The following FGF14 variants were observed in gnomAD, a reference collection of about 807,000 sequenced individuals.
FGF14 encodes fibroblast growth factor homologous factor 4.
Under a neutral mutation model 25.5 loss-of-function variants are expected in FGF14, and 5 were observed. The ratio of observed to expected loss-of-function variants is 0.20; its 90% CI spans 0.10 to 0.41. The LOEUF (loss-of-function observed/expected upper bound fraction) is 0.41. FGF14 is among the 10% of genes least tolerant of loss of function. The probability of loss-of-function intolerance (pLI) is 1.00; values close to 1 mark genes in which losing one functional copy is unlikely to be tolerated. For synonymous variants in FGF14, 138 were observed against 118.3 expected, an observed-to-expected ratio of 1.17 and a Z score of -1.08; for missense variants, 222 against 320.1, an observed-to-expected ratio of 0.69 and a Z score of 2.34.
At chr13:102,128,594 C>T (rs1458265498) in intron 1 of FGF14, among the ~76,000 whole-genome samples, 7 of 152,274 alleles carry the variant, frequency 4.6e-5, no homozygotes, top group African/African-American at 1.7e-4. Flanking sequence ...CCTCACTTCC[C>T]CATGAACACA....
intron 1 of FGF14, among the ~76,000 whole-genome samples, chr13:102,035,396 C>A (rs2041420599): frequency 6.6e-6 from 1 of 152,074 alleles, no homozygotes; most frequent in Admixed American, 6.6e-5. Context: ...GGCCTCTCAA[C>A]CCTTGCCCTA....
chr13:101,878,679 T>C (rs924025947), intron 1 of FGF14, among the ~76,000 whole-genome samples: 1 of 152,072 alleles, frequency 6.6e-6, no homozygotes, highest in African/African-American at 2.4e-5. Flanking sequence ...TGATGATCTA[T>C]TGAAATCTAA....
intron 1 of FGF14, among the ~76,000 whole-genome samples, chr13:102,346,935 G>A (rs919137221): frequency 6.6e-6 from 1 of 152,084 alleles, no homozygotes; most frequent in Non-Finnish European, 1.5e-5. Context: ...TATTCTAATG[G>A]AGTGGAAAAC....
chr13:102,370,240 C>G (rs565783306), intron 1 of FGF14, among the ~76,000 whole-genome samples: 1 of 152,306 alleles, frequency 6.6e-6, no homozygotes, highest in African/African-American at 2.4e-5. Context: ...TGATCCCTGC[C>G]TTGGCCTCCC....
chr13:101,925,867 G>C (rs1218794531), intron 1 of FGF14, among the ~76,000 whole-genome samples: 1 of 152,172 alleles, frequency 6.6e-6, no homozygotes, highest in Non-Finnish European at 1.5e-5. Context: ...CCTTCTGGAG[G>C]CTTTGAGAGA....
chr13:101,934,747 T>G (rs924802086), intron 1 of FGF14, among the ~76,000 whole-genome samples: 2 of 152,202 alleles, frequency 1.3e-5, no homozygotes, highest in Non-Finnish European at 2.9e-5. Context: ...TACACTGCCA[T>G]TTTCTATACA....
intron 1 of FGF14, among the ~76,000 whole-genome samples, chr13:102,296,338 A>T (rs2054709143): frequency 6.6e-6 from 1 of 152,134 alleles, no homozygotes; most frequent in Non-Finnish European, 1.5e-5. Context: ...GAAAAGTATA[A>T]GATTTTGAGT....
chr13:102,274,620 T>A (rs1052112622), intron 1 of FGF14, among the ~76,000 whole-genome samples: 1 of 152,196 alleles, frequency 6.6e-6, no homozygotes, highest in South Asian at 2.1e-4. Context: ...ATATATATAA[T>A]ATATTTTTTA....
chr13:102,001,126 T>C (rs919331999), intron 1 of FGF14, among the ~76,000 whole-genome samples: 3 of 152,172 alleles, frequency 2.0e-5, no homozygotes, highest in African/African-American at 7.2e-5. Flanking sequence ...AATGTTATGA[T>C]ATAGGCAGCA....
chr13:102,348,770 G>A (rs1027629253), intron 1 of FGF14, among the ~76,000 whole-genome samples: 2 of 152,182 alleles, frequency 1.3e-5, no homozygotes, highest in Non-Finnish European at 2.9e-5. Flanking sequence ...AATCCTCCCC[G>A]AGCCCAGGCT....
intron 1 of FGF14, among the ~76,000 whole-genome samples, chr13:102,064,534 CA>C (rs2042822017): frequency 6.6e-6 from 1 of 151,298 alleles, no homozygotes; most frequent in Admixed American, 6.6e-5. Flanking sequence ...ATAAGTAAAA[CA>C]ATATAAATAT....
intron 1 of FGF14, among the ~76,000 whole-genome samples, chr13:101,963,467 C>A (rs1049465358): frequency 7.9e-5 from 12 of 152,120 alleles, no homozygotes; most frequent in South Asian, 4.1e-4. Flanking sequence ...TTTTTTCCCC[C>A]TATGTCACAA....
At chr13:101,991,293 A>T (rs1325682570) in intron 1 of FGF14, among the ~76,000 whole-genome samples, 1 of 152,136 alleles carries the variant, frequency 6.6e-6, no homozygotes, top group African/African-American at 2.4e-5. Context: ...TCACCAAAGG[A>T]TGTCTCTTCC....
intron 1 of FGF14, among the ~76,000 whole-genome samples, chr13:102,174,291 T>C (rs887409734): frequency 6.6e-6 from 1 of 151,000 alleles, no homozygotes; most frequent in African/African-American, 2.4e-5. Context: ...CATGCCAACA[T>C]GCCCAGCTAG....
At chr13:101,985,453 G>T (rs1239583912) in intron 1 of FGF14, among the ~76,000 whole-genome samples, 7 of 152,060 alleles carry the variant, frequency 4.6e-5, no homozygotes, top group Non-Finnish European at 1.0e-4. Flanking sequence ...GTGTTAAGAT[G>T]ATTGCATTCC....
At chr13:102,208,186 C>G (rs1380529013) in intron 1 of FGF14, among the ~76,000 whole-genome samples, 1 of 152,136 alleles carries the variant, frequency 6.6e-6, no homozygotes, top group East Asian at 1.9e-4. Context: ...CAGAATCGCT[C>G]CACTCAAATC....
intron 1 of FGF14, among the ~76,000 whole-genome samples, chr13:102,141,900 T>C (rs542810783): frequency 6.6e-6 from 1 of 152,332 alleles, no homozygotes; most frequent in African/African-American, 2.4e-5. Flanking sequence ...AGTTAAGATA[T>C]GTAGATATGC....
intron 3 of FGF14, among the ~76,000 whole-genome samples, chr13:101,859,754 G>A (rs769398371): frequency 6.6e-6 from 1 of 152,034 alleles, no homozygotes; most frequent in African/African-American, 2.4e-5. Flanking sequence ...TGGACATGGA[G>A]GACGAGCCAC....
At chr13:101,968,326 T>G (rs894151028) in intron 1 of FGF14, among the ~76,000 whole-genome samples, 2 of 152,128 alleles carry the variant, frequency 1.3e-5, no homozygotes, top group Non-Finnish European at 2.9e-5. Flanking sequence ...ACAAAATATT[T>G]TACCTGTTGG....
Sources: allele counts gnomAD v4.1 joint callset (sites outside exome capture counted in the v4.1 genomes callset), GRCh38; gene constraint gnomAD v4.1.1; transcripts MANE v1.5; gene names NCBI Gene and HGNC (gene_info 2026-07-23, HGNC 2026-07-21).